FMNL2: variants seen among roughly 807,000 people sequenced by gnomAD.
The protein encoded by FMNL2 is formin like 2.
In FMNL2, 51 loss-of-function variants were observed where a neutral mutation model predicts 130.2. The ratio of observed to expected loss-of-function variants is 0.39; its 90% CI spans 0.31 to 0.49. The LOEUF is 0.49. Among genes scored for constraint, FMNL2 ranks in the 20% least tolerant of loss-of-function variants. The probability of loss-of-function intolerance (pLI) is 0.85; values close to 1 mark genes in which losing one functional copy is unlikely to be tolerated. For synonymous variants in FMNL2, 465 were observed against 467.1 expected, an observed-to-expected ratio of 1.00 and a Z score of 0.06; for missense variants, 977 against 1,316.2, an observed-to-expected ratio of 0.74 and a Z score of 3.99.
At chr2:152,477,973 G>A (rs747762491) in intron 1 of FMNL2, among the ~76,000 whole-genome samples, 1 of 151,848 alleles carries the variant, frequency 6.6e-6, no homozygotes, top group Non-Finnish European at 1.5e-5. Flanking sequence ...TTCTGGCACC[G>A]AGAGCCTTTT....
At chr2:152,502,156 A>G (rs1024897149) in intron 1 of FMNL2, among the ~76,000 whole-genome samples, 1 of 152,154 alleles carries the variant, frequency 6.6e-6, no homozygotes, top group African/African-American at 2.4e-5. Flanking sequence ...TTGCTTGAGG[A>G]TGTGCTTATC....
chr2:152,529,435 A>G (rs769992725), intron 2 of FMNL2, among the ~76,000 whole-genome samples: 10 of 152,118 alleles, frequency 6.6e-5, no homozygotes, highest in Non-Finnish European at 1.2e-4. Flanking sequence ...GGGACTCTTC[A>G]TTTTCTTGAG....
chr2:152,375,871 C>CTATA (rs1296121653), intron 1 of FMNL2, among the ~76,000 whole-genome samples: 1,160 of 114,394 alleles, frequency 0.01, 10 homozygotes, highest in Non-Finnish European at 0.012. Flanking sequence ...CTCTCTCTCT[C>CTATA]TCTCTCTATA....
rs142957558 is a variant in FMNL2 at position 152,614,372 on chromosome 2, G to T, written c.1063-479G>T. ...AAAGTCATCTGATGATACTGCTTAG[G>T]CAGTCACTCCATAATTCTCTTAAGG... On this transcript the variant is annotated intron_variant, in intron 11 of 25. Coordinates refer to ENST00000288670, the MANE Select transcript of FMNL2 (RefSeq NM_052905.4). Among the ~76,000 whole-genome samples the T allele has an allele frequency of 1.4e-4, 22 of 152,348 alleles. No homozygotes were observed. In the East Asian group the frequency reaches 4.0e-3, roughly 28 times the overall value.
chr2:152,561,125 C>G, intron 6 of FMNL2, 90 bp downstream of exon 6: 1 of 1,307,838 alleles, frequency 7.6e-7, no homozygotes. Flanking sequence ...CACTGTATCT[C>G]ATAAATTGCC....
At chr2:152,538,301 T>G (rs1297658792) in intron 2 of FMNL2, among the ~76,000 whole-genome samples, 3 of 152,034 alleles carry the variant, frequency 2.0e-5, no homozygotes, top group Admixed American at 1.3e-4. Flanking sequence ...GTTTGTTTTT[T>G]GAGATGGAGA....
intron 1 of FMNL2, among the ~76,000 whole-genome samples, chr2:152,378,318 A>C (rs1684282138): frequency 6.6e-6 from 1 of 152,170 alleles, no homozygotes; most frequent in African/African-American, 2.4e-5. Context: ...TAACACTTTA[A>C]TATCCTTTTC....
Position 152,425,867 on chromosome 2 carries a change from C to T in FMNL2, c.117+90147C>T, listed in dbSNP as rs550647822. Among the ~76,000 whole-genome samples the T allele has an allele frequency of 1.1e-4, 16 of 152,310 alleles. No homozygotes were observed. The East Asian group carries it at 2.9e-3, about 28-fold the overall frequency. On this transcript the variant is annotated intron_variant, in intron 1 of 25. Coordinates refer to ENST00000288670, the MANE Select transcript of FMNL2 (RefSeq NM_052905.4). ...AAACGACTTCCCCCATCCCATCTCT[C>T]TGGTATGAGCACTTCAGGAAACAAA...
chr2:152,477,495 T>C (rs1690219273), intron 1 of FMNL2, among the ~76,000 whole-genome samples: 1 of 152,194 alleles, frequency 6.6e-6, no homozygotes, highest in South Asian at 2.1e-4. Context: ...TCTTCTTCCT[T>C]GATTTCCTGT....
At chr2:152,374,385 T>C (rs1383794215) in intron 1 of FMNL2, among the ~76,000 whole-genome samples, 3 of 152,186 alleles carry the variant, frequency 2.0e-5, no homozygotes, top group Non-Finnish European at 4.4e-5. Flanking sequence ...AAGAATGTCA[T>C]TAATTGTGGC....
intron 11 of FMNL2, among the ~76,000 whole-genome samples, chr2:152,612,248 T>A (rs1165331949): frequency 6.6e-6 from 1 of 152,210 alleles, no homozygotes; most frequent in East Asian, 1.9e-4. Context: ...TTGAAAAGGC[T>A]GATGGCTCAC....
chr2:152,435,898 G>A (rs1687735657), intron 1 of FMNL2, among the ~76,000 whole-genome samples: 1 of 152,166 alleles, frequency 6.6e-6, no homozygotes, highest in Non-Finnish European at 1.5e-5. Flanking sequence ...GACTTTACGA[G>A]GTGGCCCCCA....
At chr2:152,401,168 G>T (rs1558830758) in intron 1 of FMNL2, among the ~76,000 whole-genome samples, 7 of 152,256 alleles carry the variant, frequency 4.6e-5, no homozygotes, top group African/African-American at 1.7e-4. Flanking sequence ...GTGGGATGGA[G>T]TGGAGGGAAT....
intron 25 of FMNL2, among the ~76,000 whole-genome samples, chr2:152,643,096 G>T (rs3817620): frequency 0.9 from 137,715 of 152,206 alleles, 62,379 homozygotes; most frequent in Admixed American, 0.91. Context: ...TACACCTGGC[G>T]TTATAAAATG....
intron 1 of FMNL2, among the ~76,000 whole-genome samples, chr2:152,458,739 G>C (rs1280546076): frequency 6.6e-6 from 1 of 152,190 alleles, no homozygotes; most frequent in African/African-American, 2.4e-5. Context: ...GGTATAGGTG[G>C]CCCCACGTGA....
chr2:152,340,852 C>T lies in FMNL2; in HGVS notation c.117+5132C>T, dbSNP rs574557365. Among the ~76,000 whole-genome samples, 9 of 152,100 alleles carry T rather than the reference C, an allele frequency of 5.9e-5. No homozygotes were observed. The East Asian group carries it at 7.7e-4, about 13-fold the overall frequency. On this transcript the variant is annotated intron_variant, in intron 1 of 25. Transcript: ENST00000288670. ...GATTACAGGTGTGTGCCACCATGCC[C>T]GGCTGATTTTTGTATTTTTAGTAGA...
intron 25 of FMNL2, chr2:152,643,298 C>T: frequency 2.2e-6 from 3 of 1,379,886 alleles, no homozygotes; most frequent in Non-Finnish European, 2.0e-6. Flanking sequence ...CCTTTCCTGC[C>T]CATCTTCCCC....
At chr2:152,384,051 TAAAG>T (rs1460212958) in intron 1 of FMNL2, among the ~76,000 whole-genome samples, 2 of 152,214 alleles carry the variant, frequency 1.3e-5, no homozygotes, top group East Asian at 1.9e-4. Flanking sequence ...TTTCATATAA[TAAAG>T]AAATAGGGTA....
chr2:152,447,044 A>G (rs1418188551), intron 1 of FMNL2, among the ~76,000 whole-genome samples: 2 of 152,082 alleles, frequency 1.3e-5, no homozygotes, highest in South Asian at 2.1e-4. Context: ...CCTGAAAGAG[A>G]AGAGTTTAAA....
Sources: allele counts gnomAD v4.1 joint callset (sites outside exome capture counted in the v4.1 genomes callset), GRCh38; gene constraint gnomAD v4.1.1; transcripts MANE v1.5; gene names NCBI Gene and HGNC (gene_info 2026-07-23, HGNC 2026-07-21).